FGF18: variants seen among roughly 807,000 people sequenced by gnomAD.
The protein encoded by FGF18 is fibroblast growth factor 18.
In FGF18, 5 loss-of-function variants were observed where a neutral mutation model predicts 23.0. The ratio of observed to expected loss-of-function variants is 0.22; its 90% CI spans 0.11 to 0.46. The LOEUF (loss-of-function observed/expected upper bound fraction) is 0.46. Among genes scored for constraint, FGF18 ranks in the 20% least tolerant of loss-of-function variants. The probability of loss-of-function intolerance (pLI) is 0.99; values close to 1 mark genes in which losing one functional copy is unlikely to be tolerated. For synonymous variants in FGF18, 117 were observed against 118.9 expected (o/e 0.98, Z 0.10); for missense variants, 180 against 291.6 (o/e 0.62, Z 2.79).
intron 2 of FGF18, among the ~76,000 whole-genome samples, chr5:171,432,313 G>A (rs1182709956): frequency 2.6e-5 from 4 of 152,130 alleles, no homozygotes; most frequent in Non-Finnish European, 5.9e-5. Context: ...GGCTTTAACT[G>A]GTGCTCACCT....
intron 4 of FGF18, among the ~76,000 whole-genome samples, chr5:171,450,432 A>G (rs1772480796): frequency 6.6e-6 from 1 of 152,132 alleles, no homozygotes; most frequent in South Asian, 2.1e-4. Context: ...AAACGCTCCC[A>G]GTGAATCCCA....
intron 4 of FGF18, among the ~76,000 whole-genome samples, chr5:171,454,169 A>C (rs1440737004): frequency 2.6e-5 from 4 of 152,160 alleles, no homozygotes; most frequent in Non-Finnish European, 5.9e-5. Context: ...AATGAGGAAG[A>C]AGAATTGTCC....
rs1032164961 is a variant in FGF18, at chr5:171,451,017, G to A, written c.357+1764G>A. Among the ~76,000 whole-genome samples, 8 of 151,976 alleles carry A rather than the reference G, an allele frequency of 5.3e-5. No homozygotes were observed. Among genetic ancestry groups the A allele is most frequent in the Non-Finnish European group, 1.2e-4 (8 of 67,940 alleles). On this transcript the variant is annotated intron_variant, in intron 4 of 4. Transcript: ENST00000274625. This position sits in a 1 kb window ranked among gnomAD's most constrained non-coding sequence, Gnocchi z 4.5. Reference sequence around the variant, plus strand: ...CATCTTGACCCCAGGAGGGCTGCGCGGGGGTCAAAAGAGCAGCCCCGTCCC... The same window carrying A: ...CATCTTGACCCCAGGAGGGCTGCGCAGGGGTCAAAAGAGCAGCCCCGTCCC...
intron 3 of FGF18, among the ~76,000 whole-genome samples, chr5:171,444,396 C>T (rs1440497399): frequency 6.6e-6 from 1 of 152,174 alleles, no homozygotes; most frequent in Non-Finnish European, 1.5e-5. Context: ...GGGATAATAA[C>T]AATAGTTCTA....
intron 3 of FGF18, among the ~76,000 whole-genome samples, chr5:171,442,175 A>G (rs72829773): frequency 2.0e-5 from 3 of 152,154 alleles, no homozygotes; most frequent in Non-Finnish European, 2.9e-5. Flanking sequence ...CTCCCGATGA[A>G]CCCTATTGGT....
chr5:171,452,918 A>G (rs1772537051), intron 4 of FGF18, among the ~76,000 whole-genome samples: 2 of 152,188 alleles, frequency 1.3e-5, no homozygotes, highest in Admixed American at 1.3e-4. Flanking sequence ...AGTTTCAGGT[A>G]AGACTGGATC....
Position 171,420,173 on chromosome 5 carries a change from G to C in FGF18, c.-27G>C. 6.5e-7 allele frequency: 1 copy of C among 1,536,102 alleles called. No homozygotes were observed. The highest frequency in any genetic ancestry group is 8.7e-7 in the Non-Finnish European group (1 of 1,146,160). ...AGCGGACATGTGCAGGCTGGGCTAGGAGCCGCCGCCTCCCTCCCGCCCAGC... is the reference window on the plus strand; with the variant it reads ...AGCGGACATGTGCAGGCTGGGCTAGCAGCCGCCGCCTCCCTCCCGCCCAGC... On this transcript the variant is annotated 5_prime_UTR_variant, in exon 1 of 5. Transcript: ENST00000274625.
At position 171,451,095 on chromosome 5, in the gene FGF18, C is replaced by T. The variant is rs1052608372; in HGVS notation, c.357+1842C>T. Among the ~76,000 whole-genome samples, 4 of 150,994 alleles carry T rather than the reference C, an allele frequency of 2.6e-5. No individual in the cohort carries two copies. The highest frequency in any genetic ancestry group is 9.7e-5 in the African/African-American group (4 of 41,102). ...GGCCGCCTCCCGCCCGCGGGCGAGC[C>T]GCTGAGTCACCGCTTCCACAGGAGC... On this transcript the variant is annotated intron_variant, in intron 4 of 4. Coordinates refer to ENST00000274625, the MANE Select transcript of FGF18 (RefSeq NM_003862.3). This position sits in a 1 kb window ranked among gnomAD's most constrained non-coding sequence, Gnocchi z 4.5.
chr5:171,431,831 G>T (rs891150362), intron 2 of FGF18, among the ~76,000 whole-genome samples: 4 of 152,072 alleles, frequency 2.6e-5, no homozygotes, highest in African/African-American at 9.7e-5. Context: ...GGCCGAGGTG[G>T]GCAGATCACC....
At chr5:171,432,570 G>C (rs531032174) in intron 2 of FGF18, among the ~76,000 whole-genome samples, 1 of 152,122 alleles carries the variant, frequency 6.6e-6, no homozygotes, top group South Asian at 2.1e-4. Context: ...CACCACACCT[G>C]GCTAATTTTT....
intron 3 of FGF18, among the ~76,000 whole-genome samples, chr5:171,443,432 C>T (rs1581276815): frequency 6.8e-6 from 1 of 146,560 alleles, no homozygotes; most frequent in Non-Finnish European, 1.5e-5. Context: ...GCCCCACGTT[C>T]ACACTCTTAA....
intron 3 of FGF18, among the ~76,000 whole-genome samples, chr5:171,441,819 T>C (rs576678958): frequency 8.0e-4 from 122 of 152,278 alleles, no homozygotes; most frequent in African/African-American, 2.9e-3. Context: ...GTGGCAGGTG[T>C]CCTTCCCCCT....
At chr5:171,420,984 TGGCCGCTGCCCGCGA>T (rs1379520883) in intron 2 of FGF18, among the ~76,000 whole-genome samples, 3 of 152,160 alleles carry the variant, frequency 2.0e-5, no homozygotes, top group Non-Finnish European at 4.4e-5. Flanking sequence ...CTAGGCCGAG[TGGCCGCTGCCCGCGA>T]GGCCGCTCCC....
intron 2 of FGF18, among the ~76,000 whole-genome samples, chr5:171,430,555 G>A (rs1454408783): frequency 6.9e-6 from 1 of 144,260 alleles, no homozygotes; most frequent in Non-Finnish European, 1.5e-5. Flanking sequence ...TTGGGAGGCC[G>A]AGGCGGGTGG....
intron 4 of FGF18, among the ~76,000 whole-genome samples, chr5:171,454,261 C>T (rs1345917394): frequency 6.6e-6 from 1 of 152,166 alleles, no homozygotes; most frequent in African/African-American, 2.4e-5. Context: ...AGCCATTTTC[C>T]AGGCAGTGGC....
At chr5:171,441,618 C>T (rs78810186) in intron 3 of FGF18, among the ~76,000 whole-genome samples, 14,813 of 152,270 alleles carry the variant, frequency 0.097, 829 homozygotes, top group East Asian at 0.15. Flanking sequence ...TGTCGCTATC[C>T]GACCTGCTGT....
At chr5:171,421,340 G>A (rs909699863) in intron 2 of FGF18, among the ~76,000 whole-genome samples, 1 of 152,084 alleles carries the variant, frequency 6.6e-6, no homozygotes, top group Non-Finnish European at 1.5e-5. Flanking sequence ...GGGTCGGGGG[G>A]CGGCGGGCAA....
At chr5:171,432,317 C>G (rs924693743) in intron 2 of FGF18, among the ~76,000 whole-genome samples, 6 of 152,154 alleles carry the variant, frequency 3.9e-5, no homozygotes, top group Non-Finnish European at 8.8e-5. Flanking sequence ...TTAACTGGTG[C>G]TCACCTCCAC....
intron 2 of FGF18, among the ~76,000 whole-genome samples, chr5:171,420,789 T>C (rs1355971255): frequency 6.6e-6 from 1 of 152,238 alleles, no homozygotes; most frequent in African/African-American, 2.4e-5. Context: ...ACCTAGGGAT[T>C]TTCTCTGCCA....
Sources: allele counts gnomAD v4.1 joint callset (sites outside exome capture counted in the v4.1 genomes callset), GRCh38; gene constraint gnomAD v4.1.1; non-coding constraint Gnocchi (gnomAD v3.1); transcripts MANE v1.5; gene names NCBI Gene and HGNC (gene_info 2026-07-23, HGNC 2026-07-21).